The following SHB variants were observed in gnomAD, a reference collection of about 807,000 sequenced individuals.
SHB encodes the protein SH2 domain-containing adapter protein B.
SHB carries 20 observed loss-of-function variants against 52.3 expected under a neutral mutation model. The observed-to-expected ratio is 0.38, with a 90% CI of 0.27 to 0.56. The LOEUF (loss-of-function observed/expected upper bound fraction) is 0.56. Among genes scored for constraint, SHB ranks in the 20% least tolerant of loss-of-function variants. The pLI, the probability that SHB is intolerant of heterozygous loss-of-function variation, is 0.71. For synonymous variants in SHB, 397 were observed against 316.5 expected, an observed-to-expected ratio of 1.25 and a Z score of -2.70; for missense variants, 825 against 723.3, an observed-to-expected ratio of 1.14 and a Z score of -1.61.
chr9:37,947,077 C>G (rs1055652132), intron 5 of SHB, among the ~76,000 whole-genome samples: 1 of 152,210 alleles, frequency 6.6e-6, no homozygotes, highest in South Asian at 2.1e-4. Flanking sequence ...TTCTGCCCGG[C>G]CCCAGTTGCA....
intron 1 of SHB, among the ~76,000 whole-genome samples, chr9:38,017,565 C>T (rs911196701): frequency 8.5e-5 from 13 of 152,216 alleles, no homozygotes; most frequent in Non-Finnish European, 1.2e-4. Flanking sequence ...TGGAGGCCAA[C>T]GGGAGGTTTA....
At chr9:38,054,893 A>G (rs1291578865) in intron 1 of SHB, among the ~76,000 whole-genome samples, 2 of 152,216 alleles carry the variant, frequency 1.3e-5, no homozygotes, top group Non-Finnish European at 2.9e-5. Context: ...ACAAATCTCA[A>G]CATTGGAAGT....
chr9:38,040,436 C>T (rs1009646395), intron 1 of SHB, among the ~76,000 whole-genome samples: 3 of 152,184 alleles, frequency 2.0e-5, no homozygotes, highest in Non-Finnish European at 4.4e-5. Context: ...AGACATGTGT[C>T]GGCACCCATG....
chr9:37,938,293 G>A (rs930979082), intron 5 of SHB, among the ~76,000 whole-genome samples: 4 of 152,110 alleles, frequency 2.6e-5, no homozygotes, highest in African/African-American at 9.7e-5. Flanking sequence ...TAATCCCCGG[G>A]CTCCTGATCA....
chr9:38,000,053 T>C (rs1820992995), intron 2 of SHB, among the ~76,000 whole-genome samples: 2 of 152,318 alleles, frequency 1.3e-5, no homozygotes, highest in South Asian at 4.1e-4. Context: ...TGGTTTCCAT[T>C]CCTTTCCACA....
chr9:37,944,477 G>A (rs181429880), intron 5 of SHB, among the ~76,000 whole-genome samples: 38 of 152,298 alleles, frequency 2.5e-4, no homozygotes, highest in African/African-American at 8.7e-4. Flanking sequence ...TAGGTCTGAC[G>A]TCAGAAGACC....
At chr9:37,991,801 AC>A (rs1376324193) in intron 2 of SHB, among the ~76,000 whole-genome samples, 3 of 152,218 alleles carry the variant, frequency 2.0e-5, no homozygotes, top group Non-Finnish European at 2.9e-5. Flanking sequence ...ATGGATGATA[AC>A]CCACAGGCTG....
chr9:37,995,144 C>A lies in SHB; in HGVS notation c.839-20307G>T, dbSNP rs7856701. On this transcript the variant is annotated intron_variant, in intron 2 of 5. Transcript: ENST00000377707. ...ACTCGAGAACAGGCTGGGGGAAGGGCAGGCGGGCGGCAGCTGTCACGTTAC... is the reference window on the plus strand; with the variant it reads ...ACTCGAGAACAGGCTGGGGGAAGGGAAGGCGGGCGGCAGCTGTCACGTTAC... Among the ~76,000 whole-genome samples the A allele has an allele frequency of 2.4e-3, 368 of 152,244 alleles. 2 individuals are homozygous for A. The highest frequency in any genetic ancestry group is 8.5e-3 in the African/African-American group (353 of 41,544).
chr9:37,944,190 C>A (rs1454823739), intron 5 of SHB, among the ~76,000 whole-genome samples: 1 of 152,162 alleles, frequency 6.6e-6, no homozygotes, highest in Non-Finnish European at 1.5e-5. Context: ...GTAGGGGCCC[C>A]TGCCATGGAG....
chr9:38,061,815 C>A (rs992836800), intron 1 of SHB, among the ~76,000 whole-genome samples: 1 of 152,192 alleles, frequency 6.6e-6, no homozygotes, highest in Non-Finnish European at 1.5e-5. Flanking sequence ...GCACACACAG[C>A]CCGGCAAATC....
intron 3 of SHB, among the ~76,000 whole-genome samples, chr9:37,966,135 G>C (rs1190585994): frequency 2.0e-5 from 3 of 152,178 alleles, no homozygotes; most frequent in Non-Finnish European, 2.9e-5. Flanking sequence ...CACTGCGTCT[G>C]GCCTGATTTA....
intron 1 of SHB, among the ~76,000 whole-genome samples, chr9:38,022,333 C>T (rs1017257796): frequency 1.9e-4 from 29 of 152,238 alleles, no homozygotes; most frequent in African/African-American, 5.5e-4. Context: ...TGCACAGATG[C>T]GACGCGTCGA....
chr9:37,956,650 C>T (rs534294229), intron 3 of SHB, among the ~76,000 whole-genome samples: 1 of 152,322 alleles, frequency 6.6e-6, no homozygotes, highest in South Asian at 2.1e-4. Context: ...GCTCTTCTCC[C>T]CGCCCTGGGC....
chr9:37,979,134 C>T (rs1211759516), intron 2 of SHB, among the ~76,000 whole-genome samples: 1 of 152,244 alleles, frequency 6.6e-6, no homozygotes, highest in Non-Finnish European at 1.5e-5. Context: ...AGACCGATCT[C>T]ACAAGGGAGT....
intron 1 of SHB, among the ~76,000 whole-genome samples, chr9:38,023,539 G>C (rs1821306601): frequency 1.3e-5 from 2 of 152,216 alleles, no homozygotes; most frequent in Non-Finnish European, 2.9e-5. Context: ...ACAGGACAAA[G>C]ACGTGAAAAG....
intron 1 of SHB, among the ~76,000 whole-genome samples, chr9:38,049,635 CA>C (rs147034881): frequency 0.018 from 1,216 of 68,476 alleles, 12 homozygotes; most frequent in African/African-American, 0.041. Context: ...AAAAACAAAG[CA>C]AAAAAAAAAA....
At position 37,919,660 on chromosome 9, in the gene SHB, C is replaced by G; in HGVS notation, c.*161G>C. 1 of 572,220 alleles carries G rather than the reference C, an allele frequency of 1.7e-6. No homozygotes were observed. The highest frequency in any genetic ancestry group is 3.2e-5 in the Admixed American group (1 of 31,236). The allele number at this position is 572,220 out of a possible 1,614,324, so 35.4% of individuals were successfully genotyped here. On this transcript the variant is annotated 3_prime_UTR_variant, in exon 6 of 6. Transcript: ENST00000377707. ...CTTTATCCAGGCCTTCTCCAGCCCC[C>G]GTAAGTGGCAACAGCATTCTAGAGA...
At chr9:37,938,269 TG>T in intron 5 of SHB, among the ~76,000 whole-genome samples, 1 of 152,150 alleles carries the variant, frequency 6.6e-6, no homozygotes, top group South Asian at 2.1e-4. Flanking sequence ...GTAGGAATGG[TG>T]GGATTCAGGC....
At position 38,016,696 on chromosome 9, in the gene SHB, C is replaced by T. The variant is rs77028200; in HGVS notation, c.718-565G>A. On this transcript the variant is annotated intron_variant, in intron 1 of 5. Coordinates refer to ENST00000377707, the MANE Select transcript of SHB (RefSeq NM_003028.3). ...ATACAAAGATCACTGTGGCCCCAGACAGACCAAATAAAAACACAAAAGCAG... is the reference window on the plus strand; with the variant it reads ...ATACAAAGATCACTGTGGCCCCAGATAGACCAAATAAAAACACAAAAGCAG... Among the ~76,000 whole-genome samples, 704 of 152,304 alleles carry T rather than the reference C, an allele frequency of 4.6e-3. 10 individuals are homozygous for T. Among genetic ancestry groups the T allele is most frequent in the Middle Eastern group, 0.01 (3 of 294 alleles).
Sources: gnomAD v4.1 joint callset for allele counts (sites outside exome capture counted in the v4.1 genomes callset) on GRCh38, gnomAD v4.1.1 for gene constraint, MANE v1.5 for transcripts, NCBI Gene and HGNC (gene_info 2026-07-23, HGNC 2026-07-21) for gene names.